The following ATG10 variants were observed in gnomAD, a reference collection of about 807,000 sequenced individuals.
ATG10 encodes ubiquitin-like-conjugating enzyme ATG10.
In ATG10, 30 loss-of-function variants were observed where a neutral mutation model predicts 32.1. The ratio of observed to expected loss-of-function variants is 0.94; its 90% CI spans 0.70 to 1.27. ATG10 has a LOEUF of 1.27. Ranked by LOEUF, ATG10 falls within the 50% of genes most tolerant of loss-of-function variation. The probability of loss-of-function intolerance (pLI) is 0.00; values close to 1 mark genes in which losing one functional copy is unlikely to be tolerated. For synonymous variants in ATG10, 87 were observed against 91.5 expected (o/e 0.95, Z 0.28); for missense variants, 233 against 262.3 (o/e 0.89, Z 0.77).
intron 1 of ATG10, among the ~76,000 whole-genome samples, chr5:81,984,322 C>T (rs1761189109): frequency 6.6e-6 from 1 of 152,228 alleles, no homozygotes; most frequent in African/African-American, 2.4e-5. Context: ...AGGCACTCCG[C>T]AGGCTGAGGC....
chr5:82,192,827 C>T (rs1251093282), intron 5 of ATG10, among the ~76,000 whole-genome samples: 1 of 152,172 alleles, frequency 6.6e-6, no homozygotes, highest in African/African-American at 2.4e-5. Context: ...TACAGCTGTG[C>T]ATTCACAGGC....
intron 3 of ATG10, among the ~76,000 whole-genome samples, chr5:82,103,802 A>T (rs1041134635): frequency 1.3e-5 from 2 of 152,090 alleles, no homozygotes; most frequent in Non-Finnish European, 2.9e-5. Context: ...CACTCGTGCA[A>T]CCAATTCCCA....
At chr5:82,252,121 T>G (rs1283448736) in intron 5 of ATG10, among the ~76,000 whole-genome samples, 2 of 152,210 alleles carry the variant, frequency 1.3e-5, no homozygotes, top group African/African-American at 2.4e-5. Context: ...TGACAAAATT[T>G]GTGTAAAGAA....
intron 3 of ATG10, among the ~76,000 whole-genome samples, chr5:82,161,696 A>AACAC (rs60780834): frequency 0.035 from 4,573 of 129,690 alleles, 113 homozygotes; most frequent in African/African-American, 0.044. Context: ...TTAGAGAATA[A>AACAC]ACACACACAC....
intron 2 of ATG10, among the ~76,000 whole-genome samples, chr5:82,052,396 C>G (rs540914466): frequency 1.3e-5 from 2 of 152,116 alleles, no homozygotes; most frequent in South Asian, 4.1e-4. Context: ...AAAATGCAAT[C>G]GGCACTACAC....
chr5:82,228,682 T>A (rs1746231323), intron 5 of ATG10, among the ~76,000 whole-genome samples: 1 of 152,204 alleles, frequency 6.6e-6, no homozygotes, highest in Non-Finnish European at 1.5e-5. Context: ...AAATTGTCAA[T>A]ATGTACCGTG....
intron 3 of ATG10, 21 bp downstream of exon 3, chr5:82,058,623 T>C: frequency 6.6e-7 from 1 of 1,504,794 alleles, no homozygotes; most frequent in South Asian, 1.1e-5. Flanking sequence ...TAATGCATCA[T>C]GTTCTTTTCA....
intron 2 of ATG10, among the ~76,000 whole-genome samples, chr5:82,055,380 C>G (rs930434534): frequency 2.4e-4 from 36 of 152,120 alleles, no homozygotes; most frequent in African/African-American, 8.0e-4. Flanking sequence ...AGTGACATAT[C>G]TCTTTATCTT....
intron 5 of ATG10, among the ~76,000 whole-genome samples, chr5:82,249,971 A>C (rs983158781): frequency 6.6e-6 from 1 of 152,146 alleles, no homozygotes; most frequent in Non-Finnish European, 1.5e-5. Context: ...GATCCTCCCT[A>C]TTAGGAGTGT....
chr5:82,053,244 A>C (rs1229365634), intron 2 of ATG10, among the ~76,000 whole-genome samples: 1 of 152,170 alleles, frequency 6.6e-6, no homozygotes, highest in Admixed American at 6.6e-5. Context: ...AACATTGAAC[A>C]TATTTTTATC....
intron 3 of ATG10, among the ~76,000 whole-genome samples, chr5:82,132,860 T>C (rs1161771134): frequency 1.3e-5 from 2 of 152,118 alleles, no homozygotes; most frequent in Admixed American, 1.3e-4. Context: ...CGACCAACAG[T>C]GTAAAAGCAT....
At chr5:82,234,827 G>A (rs898319317) in intron 5 of ATG10, among the ~76,000 whole-genome samples, 1 of 152,182 alleles carries the variant, frequency 6.6e-6, no homozygotes, top group Non-Finnish European at 1.5e-5. Context: ...TCCCTGATAA[G>A]CTTATCACCC....
chr5:82,106,971 T>C (rs1251095574), intron 3 of ATG10, among the ~76,000 whole-genome samples: 1 of 152,060 alleles, frequency 6.6e-6, no homozygotes, highest in Non-Finnish European at 1.5e-5. Flanking sequence ...TAGGAAAATA[T>C]GTTCCAAAAG....
At chr5:82,116,154 C>T (rs2149820169) in intron 3 of ATG10, among the ~76,000 whole-genome samples, 1 of 152,020 alleles carries the variant, frequency 6.6e-6, no homozygotes, top group East Asian at 1.9e-4. Flanking sequence ...AATTTTTGTC[C>T]AGAAGGGGCT....
chr5:82,047,602 T>C (rs1581633806), intron 2 of ATG10, among the ~76,000 whole-genome samples: 1 of 152,212 alleles, frequency 6.6e-6, no homozygotes, highest in Non-Finnish European at 1.5e-5. Flanking sequence ...AATTCCCACC[T>C]GTAACCTTTT....
At position 82,240,905 on chromosome 5, in the gene ATG10, TAAC is replaced by T. The variant is rs1178374801; in HGVS notation, c.454-11654_454-11652del. Among the ~76,000 whole-genome samples the T allele has an allele frequency of 4.6e-5, 7 of 151,762 alleles. No homozygotes were observed. The East Asian group carries it at 1.4e-3, about 29-fold the overall frequency. On this transcript the variant is annotated intron_variant, in intron 5 of 7. Transcript: ENST00000282185. ...ATCATGAACAAAATTTAAACACAAA[TAAC>T]AATCTGGAAAGAAAAAAAAAATTGG...
At chr5:82,048,279 A>T (rs2149736601) in intron 2 of ATG10, among the ~76,000 whole-genome samples, 1 of 141,220 alleles carries the variant, frequency 7.1e-6, no homozygotes, top group South Asian at 2.4e-4. Context: ...CTTGATGGGG[A>T]TGGTATTGAA....
At chr5:82,076,594 T>C (rs749274856) in intron 3 of ATG10, among the ~76,000 whole-genome samples, 14 of 152,170 alleles carry the variant, frequency 9.2e-5, no homozygotes, top group Non-Finnish European at 1.3e-4. Flanking sequence ...GGTAATACTT[T>C]TGAGGGCCTC....
At chr5:82,218,804 G>A (rs765673870) in intron 5 of ATG10, among the ~76,000 whole-genome samples, 21 of 152,170 alleles carry the variant, frequency 1.4e-4, no homozygotes, top group Non-Finnish European at 2.4e-4. Flanking sequence ...TACTGTTGTT[G>A]AGGCGCACCT....
Sources: allele counts gnomAD v4.1 joint callset (sites outside exome capture counted in the v4.1 genomes callset), GRCh38; gene constraint gnomAD v4.1.1; transcripts MANE v1.5; gene names NCBI Gene and HGNC (gene_info 2026-07-23, HGNC 2026-07-21).